ITGA8: variants seen among roughly 807,000 people sequenced by gnomAD.
ITGA8 encodes the protein integrin alpha-8.
In ITGA8, 91 loss-of-function variants were observed where a neutral mutation model predicts 142.3. The observed-to-expected ratio is 0.64, with a 90% CI of 0.54 to 0.76. The LOEUF is 0.76. Among genes scored for constraint, ITGA8 ranks in the 30% least tolerant of loss-of-function variants. The pLI is 0.00. For synonymous variants in ITGA8, 505 were observed against 485.2 expected, an observed-to-expected ratio of 1.04 and a Z score of -0.54; for missense variants, 1,406 against 1,327.7, an observed-to-expected ratio of 1.06 and a Z score of -0.92.
At chr10:15,630,099 C>T (rs1051127641) in intron 13 of ITGA8, among the ~76,000 whole-genome samples, 4 of 152,132 alleles carry the variant, frequency 2.6e-5, no homozygotes, top group Middle Eastern at 3.4e-3. Flanking sequence ...AAGGGTTAAA[C>T]GCTAGCCAAG....
chr10:15,639,131 TAAAAA>T (rs74315607), intron 13 of ITGA8, among the ~76,000 whole-genome samples: 1 of 141,480 alleles, frequency 7.1e-6, no homozygotes, highest in Non-Finnish European at 1.5e-5. Flanking sequence ...TCCTATCTCT[TAAAAA>T]AAAAAAAAAG....
intron 22 of ITGA8, among the ~76,000 whole-genome samples, chr10:15,590,161 A>AT (rs1236808554): frequency 6.6e-6 from 1 of 152,262 alleles, no homozygotes; most frequent in South Asian, 2.1e-4. Flanking sequence ...GCATCTTTAT[A>AT]TTTTTTAAGG....
intron 8 of ITGA8, among the ~76,000 whole-genome samples, chr10:15,668,473 G>C (rs185216166): frequency 7.6e-4 from 112 of 147,414 alleles, no homozygotes; most frequent in Non-Finnish European, 9.2e-4. Context: ...CTCTTTATGC[G>C]ATTTGCCAGT....
At chr10:15,539,351 C>A (rs1207648233) in intron 27 of ITGA8, among the ~76,000 whole-genome samples, 4 of 152,150 alleles carry the variant, frequency 2.6e-5, no homozygotes, top group Non-Finnish European at 4.4e-5. Flanking sequence ...TGGTGAGTTG[C>A]AGCCAACATT....
chr10:15,668,577 T>G (rs1384307820), intron 8 of ITGA8, among the ~76,000 whole-genome samples: 12 of 152,106 alleles, frequency 7.9e-5, no homozygotes, highest in East Asian at 1.9e-4. Context: ...GTTAGCTGGT[T>G]ATTTTGCTCG....
At chr10:15,569,140 G>T (rs1042402470) in intron 25 of ITGA8, among the ~76,000 whole-genome samples, 1 of 152,200 alleles carries the variant, frequency 6.6e-6, no homozygotes, top group Non-Finnish European at 1.5e-5. Context: ...TGACTACAAA[G>T]TGTATCTGAA....
At chr10:15,660,994 T>A in intron 8 of ITGA8, 72 bp from the exon 9 acceptor site, 1 of 1,314,184 alleles carries the variant, frequency 7.6e-7, no homozygotes, top group Non-Finnish European at 1.1e-6. Context: ...CGCCATATAC[T>A]AAAAGTGGTA....
rs537732238 is a variant in ITGA8 at position 15,667,057 on chromosome 10, C to G, written c.847+4546G>C. Among the ~76,000 whole-genome samples, 619 of 152,306 alleles carry G rather than the reference C, an allele frequency of 4.1e-3. 2 individuals carry two copies. Among genetic ancestry groups the G allele is most frequent in the Non-Finnish European group, 7.0e-3 (476 of 68,026 alleles). ...TAAAATGAGTTAGGGAGGATTCCCT[C>G]TTTTTCTATTGATTGGAATAGTTTC... On this transcript the variant is annotated intron_variant, in intron 8 of 29. Coordinates refer to ENST00000378076, the MANE Select transcript of ITGA8 (RefSeq NM_003638.3).
At chr10:15,575,940 CGTGTGTGTGTGTGTGTGTGTGTGA>C (rs1187562408) in intron 23 of ITGA8, among the ~76,000 whole-genome samples, 1 of 148,840 alleles carries the variant, frequency 6.7e-6, no homozygotes, top group East Asian at 2.0e-4. Context: ...CATGTGAGAA[CGTGTGTGTGTGTGTGTGTGTGTGA>C]GTGTGTGTGT....
At chr10:15,551,915 G>C (rs1833798527) in intron 26 of ITGA8, among the ~76,000 whole-genome samples, 1 of 152,072 alleles carries the variant, frequency 6.6e-6, no homozygotes, top group South Asian at 2.1e-4. Context: ...TGGAAATCAA[G>C]AACTGCCTTG....
intron 21 of ITGA8, chr10:15,596,744 G>A: frequency 6.4e-6 from 1 of 157,068 alleles, no homozygotes; most frequent in Non-Finnish European, 1.4e-5. Context: ...TCTTTAAAAT[G>A]CAAATACGTA....
At chr10:15,622,345 C>T (rs1833504842) in intron 13 of ITGA8, among the ~76,000 whole-genome samples, 1 of 131,078 alleles carries the variant, frequency 7.6e-6, no homozygotes, top group South Asian at 3.1e-4. Flanking sequence ...CCCAAAAATG[C>T]CATTGGACAT....
intron 2 of ITGA8, among the ~76,000 whole-genome samples, chr10:15,696,195 A>G (rs758289511): frequency 1.3e-5 from 2 of 152,222 alleles, no homozygotes; most frequent in Non-Finnish European, 2.9e-5. Flanking sequence ...TGGTTCCGGG[A>G]GAGGATGGAG....
rs532765319 is a variant in ITGA8 at position 15,609,694 on chromosome 10, T to C, written c.1554-1404A>G. Among the ~76,000 whole-genome samples the C allele has an allele frequency of 3.9e-4, 60 of 152,324 alleles. No individual in the cohort carries two copies. In the South Asian group the frequency reaches 0.012, roughly 30 times the overall value. ...TAAGCCTGGCTTTCAAAATTAGAAT[T>C]TTTCTGTATCCAACCTTTTTGAAAG... On this transcript the variant is annotated intron_variant, in intron 15 of 29. Coordinates refer to ENST00000378076, the MANE Select transcript of ITGA8 (RefSeq NM_003638.3).
At chr10:15,668,473 G>A (rs185216166) in intron 8 of ITGA8, among the ~76,000 whole-genome samples, 82,147 of 145,404 alleles carry the variant, frequency 0.56, 24,499 homozygotes, top group South Asian at 0.74. Context: ...CTCTTTATGC[G>A]ATTTGCCAGT....
At chr10:15,711,492 T>C (rs149761270) in intron 2 of ITGA8, among the ~76,000 whole-genome samples, 19 of 152,234 alleles carry the variant, frequency 1.2e-4, no homozygotes, top group African/African-American at 4.3e-4. Flanking sequence ...TTTTTGTTCA[T>C]ATTATTTATA....
Position 15,592,313 on chromosome 10 carries a change from T to C in ITGA8, c.2212-9A>G, listed in dbSNP as rs1588663103. 6.2e-7 allele frequency: 1 copy of C among 1,601,002 alleles called. No individual in the cohort carries two copies. Among genetic ancestry groups the C allele is most frequent in the Non-Finnish European group, 8.6e-7 (1 of 1,169,078 alleles). On this transcript the variant is annotated splice_polypyrimidine_tract_variant and intron_variant, in intron 21 of 29. Transcript: ENST00000378076. ...CGGAGGCCCAGGGAATACTAAAAAA[T>C]AAAATAAAATCACACAAGAGTAGCT...
rs79623029 is a variant in ITGA8, at chr10:15,573,762, C to T, written c.2479-1393G>A. 3.9e-3 allele frequency among the ~76,000 whole-genome samples: 599 copies of T among 152,108 alleles called. 5 individuals are homozygous for T. Among genetic ancestry groups the T allele is most frequent in the African/African-American group, 0.014 (571 of 41,490 alleles). On this transcript the variant is annotated intron_variant, in intron 24 of 29. Transcript: ENST00000378076. ...TAGGAAAGGAACAGAAGGCATTAAT[C>T]GAGAAGGAACCTCAAACAGAACGCC...
intron 14 of ITGA8, 114 bp downstream of exon 14, chr10:15,616,400 A>G: frequency 1.2e-6 from 1 of 821,750 alleles, no homozygotes; most frequent in Non-Finnish European, 2.0e-6. Context: ...CTTTAAAAAG[A>G]GCATCTAAAT....
Sources: gnomAD v4.1 joint callset for allele counts (sites outside exome capture counted in the v4.1 genomes callset) on GRCh38, gnomAD v4.1.1 for gene constraint, MANE v1.5 for transcripts, NCBI Gene and HGNC (gene_info 2026-07-23, HGNC 2026-07-21) for gene names.